The following KTN1 variants were observed in gnomAD, a reference collection of about 807,000 sequenced individuals.
The protein encoded by KTN1 is kinectin.
Under a neutral mutation model 222.5 loss-of-function variants are expected in KTN1, and 130 were observed. The observed-to-expected ratio is 0.58, with a 90% CI of 0.51 to 0.68. The LOEUF (loss-of-function observed/expected upper bound fraction) is 0.68. Ranked by LOEUF, KTN1 falls within the 30% of genes least tolerant of loss-of-function variation. KTN1 has a pLI of 0.00. For missense variants in KTN1, 1,508 were observed against 1,500.4 expected, an observed-to-expected ratio of 1.01 and a Z score of -0.08; for synonymous variants, 512 against 496.3, an observed-to-expected ratio of 1.03 and a Z score of -0.42.
intron 34 of KTN1, 87 bp from the exon 35 acceptor site, chr14:55,670,642 A>C: frequency 1.2e-6 from 1 of 855,234 alleles, no homozygotes. Flanking sequence ...ATAATTATCT[A>C]ATTTGGTTAT....
Position 55,612,322 on chromosome 14 carries a change from G to C in KTN1, c.274G>C (p.Val92Leu). 1 of 1,614,142 alleles carries C rather than the reference G, an allele frequency of 6.2e-7. No homozygotes were observed. Among genetic ancestry groups the C allele is most frequent in the Non-Finnish European group, 8.5e-7 (1 of 1,180,010 alleles). Reference protein sequence around the residue: ...RDFKLSDALAVEDDQVAPVPL... With the variant: ...RDFKLSDALALEDDQVAPVPL... ...CTTTAAATTATCAGATGCTTTGGCA[G>C]TAGAAGATGATCAAGTTGCACCTGT... is the stretch of plus-strand genomic sequence containing the variant. Residue 92 changes from valine (V) to leucine (L), a missense_variant, in exon 2 of 44, where the codon GTA (valine) becomes CTA (leucine). By Grantham distance (32) the Val-to-Leu change is conservative. Coordinates refer to ENST00000395314, the MANE Select transcript of KTN1 (RefSeq NM_001079521.2).
chr14:55,605,974 A>C (rs1225173973), intron 1 of KTN1, among the ~76,000 whole-genome samples: 1 of 152,202 alleles, frequency 6.6e-6, no homozygotes, highest in Non-Finnish European at 1.5e-5. Context: ...AAAATAAGAT[A>C]GTAATGTGGG....
intron 1 of KTN1, among the ~76,000 whole-genome samples, chr14:55,593,446 CAA>C (rs1555357161): frequency 7.5e-5 from 9 of 120,566 alleles, no homozygotes; most frequent in Admixed American, 8.3e-5. Flanking sequence ...ACCCCCCCCC[CAA>C]AAAAAAAAAA....
At chr14:55,634,904 C>T (rs2040943662) in intron 9 of KTN1, among the ~76,000 whole-genome samples, 1 of 152,072 alleles carries the variant, frequency 6.6e-6, no homozygotes, top group African/African-American at 2.4e-5. Context: ...AGGGGGAAGA[C>T]TCCCTTATAA....
At position 55,648,754 on chromosome 14, in the gene KTN1, A is replaced by G. The variant is rs147076357; in HGVS notation, c.2299-48A>G. 3.7e-4 allele frequency: 471 copies of G among 1,259,580 alleles called. 2 individuals are homozygous for G. The African/African-American group carries it at 6.5e-3, about 17-fold the overall frequency. The allele number at this position is 1,259,580 out of a possible 1,614,324, so 78.0% of individuals were successfully genotyped here. A position where few individuals can be genotyped will look rare whatever the true frequency, so the allele number is the denominator to read the frequency against. On this transcript the variant is annotated intron_variant, in intron 20 of 43. Coordinates refer to ENST00000395314, the MANE Select transcript of KTN1 (RefSeq NM_001079521.2). ...ACTAATGTATTTTGAAGCTAGCTAT[A>G]TTTTTCAGAGAGTAAAATCATGTTT... is the stretch of plus-strand genomic sequence containing the variant.
At chr14:55,626,027 CAT>C in intron 5 of KTN1, among the ~76,000 whole-genome samples, 1 of 152,222 alleles carries the variant, frequency 6.6e-6, no homozygotes, top group Non-Finnish European at 1.5e-5. Context: ...TATGGCTTGA[CAT>C]TGACTGCTCT....
At chr14:55,633,435 C>T in intron 8 of KTN1, 94 bp downstream of exon 8, 1 of 694,058 alleles carries the variant, frequency 1.4e-6, no homozygotes, top group South Asian at 3.1e-5. Flanking sequence ...ATTGGTTAGA[C>T]TTTTGTGTTT....
Position 55,612,213 on chromosome 14 carries a change from G to C in KTN1, c.165G>C (p.Lys55Asn), listed in dbSNP as rs768181757. The C allele has an allele frequency of 6.3e-7, 1 of 1,585,712 alleles. No homozygotes were observed. The highest frequency in any genetic ancestry group is 8.5e-7 in the Non-Finnish European group (1 of 1,172,764). ...QKLIPTKTDK[K>N]KAEKKKNKKK... ...TTATTCCTACCAAAACAGATAAAAA[G>C]AAAGCAGAAAAGAAAAAGAATAAAA... Residue 55 changes from lysine to asparagine, a missense_variant, in exon 2 of 44, where the codon AAG (lysine) becomes AAC (asparagine). Physicochemically the swap from Lys to Asn is moderately conservative, Grantham distance 94 (BLOSUM62 0). Transcript: ENST00000395314.
Position 55,671,648 on chromosome 14 carries a change from C to T in KTN1, c.3431C>T (p.Ala1144Val), listed in dbSNP as rs773020378. ...TGTGAAAAATACAAATCCGTCCTTG[C>T]AGAAACAGTAGGAAATGATTTTTAA... is the stretch of plus-strand genomic sequence containing the variant. ...LECEKYKSVLAETEGILQKLQ... is the reference protein window; with the variant it reads ...LECEKYKSVLVETEGILQKLQ... Residue 1144 changes from alanine (A) to valine (V), a missense_variant, in exon 36 of 44, where the codon GCA becomes GTA. By Grantham distance (64) the Ala-to-Val change is moderately conservative (BLOSUM62 0). Transcript: ENST00000395314. The T allele has an allele frequency of 1.2e-6, 2 of 1,607,900 alleles. No homozygotes were observed. The highest frequency in any genetic ancestry group is 2.2e-5 in the East Asian group (1 of 44,782).
chr14:55,621,659 C>T (rs2039145765), intron 5 of KTN1, among the ~76,000 whole-genome samples: 1 of 151,988 alleles, frequency 6.6e-6, no homozygotes, highest in Admixed American at 6.5e-5. Flanking sequence ...AATTATCTCC[C>T]ACCGAGCCTC....
chr14:55,612,131 T>C lies in KTN1; in HGVS notation c.83T>C (p.Phe28Ser). 6.4e-7 allele frequency: 1 copy of C among 1,569,700 alleles called. No individual in the cohort carries two copies. The highest frequency in any genetic ancestry group is 8.6e-7 in the Non-Finnish European group (1 of 1,165,960). The change falls in exon 2 of 44, where the codon TTC (phenylalanine) becomes TCC (serine). Residue 28 changes from phenylalanine to serine, a missense_variant. Transcript: ENST00000395314. ...ITVIFLFFWL[F>S]MKETLYDEVL... Reference sequence around the variant, plus strand: ...GTAATTTTCCTCTTCTTCTGGCTTTTCATGAAAGAAACATTATATGATGAA... The same window carrying C: ...GTAATTTTCCTCTTCTTCTGGCTTTCCATGAAAGAAACATTATATGATGAA...
chr14:55,684,578 AACTTG>A (rs534731076), exon 44 of KTN1: 223 of 185,276 alleles, frequency 1.2e-3, no homozygotes, highest in African/African-American at 4.8e-3. Flanking sequence ...TTATTATTCA[AACTTG>A]ACTTGTTCTA....
rs1595010311 is a variant in KTN1, at chr14:55,637,797, G to A, written c.1735G>A (p.Glu579Lys). The change falls in exon 12 of 44, where the codon GAG becomes AAG. Residue 579 changes from glutamate (E) to lysine (K), a missense_variant. Physicochemically the swap from Glu to Lys is moderately conservative, Grantham distance 56. Coordinates refer to ENST00000395314, the MANE Select transcript of KTN1 (RefSeq NM_001079521.2). ...MQVQDILEQN[E>K]ALKAQIQQFH... ...ATGAAAGGATATTTTGGAGCAGAAT[G>A]AGGCTTTGAAAGCTCAAATTCAGCA... 2.5e-6 allele frequency: 4 copies of A among 1,610,704 alleles called. No individual in the cohort carries two copies. The highest frequency in any genetic ancestry group is 3.4e-6 in the Non-Finnish European group (4 of 1,177,872).
chr14:55,650,254 A>G, intron 22 of KTN1, 74 bp from the exon 23 acceptor site: 1 of 897,748 alleles, frequency 1.1e-6, no homozygotes, highest in Non-Finnish European at 1.7e-6. Context: ...CCATTTCATT[A>G]TTTGGTGCTA....
At chr14:55,591,342 G>T (rs984166379) in intron 1 of KTN1, among the ~76,000 whole-genome samples, 1 of 152,038 alleles carries the variant, frequency 6.6e-6, no homozygotes, top group Admixed American at 6.5e-5. Context: ...GATAGTTTTG[G>T]GGCTTATGAC....
intron 5 of KTN1, among the ~76,000 whole-genome samples, chr14:55,623,267 G>A (rs185806431): frequency 4.8e-4 from 73 of 152,368 alleles, no homozygotes; most frequent in South Asian, 4.6e-3. Context: ...GTTAGTTTCC[G>A]TGTGATGCCA....
intron 7 of KTN1, among the ~76,000 whole-genome samples, chr14:55,632,699 T>C (rs1194712261): frequency 6.6e-6 from 1 of 152,206 alleles, no homozygotes; most frequent in African/African-American, 2.4e-5. Context: ...TTATGTTATA[T>C]GTATTTTATA....
chr14:55,603,561 T>C lies in KTN1; in HGVS notation c.-30-8458T>C, dbSNP rs551093241. On this transcript the variant is annotated intron_variant, in intron 1 of 43. Transcript: ENST00000395314. ...TCTTTATAGCTCTCCTCAGTCTCCCTTGAGAGTTCTTCATTTTCCTGTTGT... is the reference window on the plus strand; with the variant it reads ...TCTTTATAGCTCTCCTCAGTCTCCCCTGAGAGTTCTTCATTTTCCTGTTGT... 3.3e-5 allele frequency among the ~76,000 whole-genome samples: 5 copies of C among 152,356 alleles called. No homozygotes were observed. In the South Asian group the frequency reaches 6.2e-4, roughly 19 times the overall value.
intron 12 of KTN1, 79 bp from the exon 13 acceptor site, chr14:55,639,106 T>C (rs750522367): frequency 4.3e-6 from 4 of 924,938 alleles, no homozygotes; most frequent in Non-Finnish European, 7.0e-6. Context: ...CTCTTAAAAT[T>C]TAAAGCTGTT....
Sources: allele counts gnomAD v4.1 joint callset (sites outside exome capture counted in the v4.1 genomes callset), GRCh38; gene constraint gnomAD v4.1.1; transcripts MANE v1.5; gene names NCBI Gene and HGNC (gene_info 2026-07-23, HGNC 2026-07-21).